Variants in RUNX2 observed in about 807,000 individuals in gnomAD.
RUNX2 encodes runt-related transcription factor 2.
RUNX2 carries 10 observed loss-of-function variants against 51.7 expected under a neutral mutation model. The ratio of observed to expected loss-of-function variants is 0.19; its 90% CI spans 0.12 to 0.33. The LOEUF is 0.33. Among genes scored for constraint, RUNX2 ranks in the 10% least tolerant of loss-of-function variants. RUNX2 has a pLI of 1.00. For synonymous variants in RUNX2, 276 were observed against 273.6 expected (o/e 1.01, Z -0.09); for missense variants, 562 against 691.3 (o/e 0.81, Z 2.10).
At chr6:45,501,882 T>A (rs1189331758) in intron 6 of RUNX2, among the ~76,000 whole-genome samples, 3 of 152,198 alleles carry the variant, frequency 2.0e-5, no homozygotes, top group East Asian at 3.8e-4. Context: ...CAACTTAGTT[T>A]CAGCAACTTA....
intron 4 of RUNX2, among the ~76,000 whole-genome samples, chr6:45,433,843 A>C (rs1293604947): frequency 6.6e-6 from 1 of 152,202 alleles, no homozygotes; most frequent in Admixed American, 6.6e-5. Context: ...AAGATGAAGA[A>C]AGCTTCTTTT....
intron 5 of RUNX2, among the ~76,000 whole-genome samples, chr6:45,486,255 T>G (rs919046018): frequency 6.6e-6 from 1 of 152,194 alleles, no homozygotes; most frequent in East Asian, 1.9e-4. Flanking sequence ...TCTTCAGTTA[T>G]ATTTAATTGC....
chr6:45,519,800 G>T (rs879434999), intron 7 of RUNX2, among the ~76,000 whole-genome samples: 8 of 108,172 alleles, frequency 7.4e-5, no homozygotes, highest in Non-Finnish European at 1.2e-4. Flanking sequence ...ATGTGTGTGT[G>T]TGTGTGTGTG....
At chr6:45,373,449 T>C (rs189468898) in intron 2 of RUNX2, among the ~76,000 whole-genome samples, 1 of 152,216 alleles carries the variant, frequency 6.6e-6, no homozygotes, top group Non-Finnish European at 1.5e-5. Context: ...CAAGAAAATG[T>C]TGGTTCTCCC....
chr6:45,531,096 G>A (rs1011613082), intron 7 of RUNX2, among the ~76,000 whole-genome samples: 2 of 152,324 alleles, frequency 1.3e-5, no homozygotes, highest in Admixed American at 1.3e-4. Flanking sequence ...GGGTCATCAA[G>A]TGAAAGGGAT....
intron 7 of RUNX2, 46 bp downstream of exon 7, chr6:45,512,453 G>T: frequency 1.2e-6 from 2 of 1,601,680 alleles, no homozygotes; most frequent in Non-Finnish European, 8.5e-7. Context: ...CACAGGGGTC[G>T]GGGGGAGTGG....
intron 3 of RUNX2, among the ~76,000 whole-genome samples, 178 bp from the exon 4 acceptor site, chr6:45,431,685 T>G (rs1399008162): frequency 1.3e-5 from 2 of 152,186 alleles, no homozygotes; most frequent in African/African-American, 4.8e-5. Context: ...CCTGAAACAT[T>G]GGTCTGTTTG....
intron 2 of RUNX2, chr6:45,361,537 A>T (rs1028882197): frequency 6.6e-6 from 1 of 152,198 alleles, no homozygotes; most frequent in East Asian, 1.9e-4. Context: ...AAATACCTGT[A>T]ATGTCAACTG....
intron 5 of RUNX2, among the ~76,000 whole-genome samples, chr6:45,470,299 A>G (rs1016465076): frequency 1.3e-5 from 2 of 152,246 alleles, no homozygotes; most frequent in African/African-American, 4.8e-5. Context: ...AATTTTCATT[A>G]CTTTCTTTCC....
intron 5 of RUNX2, among the ~76,000 whole-genome samples, chr6:45,444,039 C>T (rs1439223816): frequency 1.3e-5 from 2 of 152,130 alleles, no homozygotes; most frequent in South Asian, 2.1e-4. Flanking sequence ...TTAGTAGAGA[C>T]GGGATTTTGC....
intron 2 of RUNX2, among the ~76,000 whole-genome samples, chr6:45,407,156 T>G (rs1001928765): frequency 6.6e-6 from 1 of 152,124 alleles, no homozygotes. Context: ...CACTCTGGAG[T>G]GCAGTAGTGC....
At chr6:45,533,422 T>C (rs952672006) in intron 7 of RUNX2, among the ~76,000 whole-genome samples, 1 of 87,544 alleles carries the variant, frequency 1.1e-5, no homozygotes, top group East Asian at 3.0e-4. Flanking sequence ...CTCTTGTCCA[T>C]TGTTAAAAAG....
At chr6:45,396,094 A>G (rs919215443) in intron 2 of RUNX2, among the ~76,000 whole-genome samples, 4 of 152,224 alleles carry the variant, frequency 2.6e-5, no homozygotes, top group South Asian at 2.1e-4. Context: ...ACAAGCAATT[A>G]TAAAGCTTTA....
rs1000685029 is a variant in RUNX2, at chr6:45,391,670, C to T, written c.59-30923C>T. On this transcript the variant is annotated intron_variant, in intron 2 of 8. Transcript: ENST00000647337. Reference sequence around the variant, plus strand: ...GGAAACTTACAGTCATGGTGGAAAGCGAAGGTGAAGCAAGGCGCCTTCTTC... The same window carrying T: ...GGAAACTTACAGTCATGGTGGAAAGTGAAGGTGAAGCAAGGCGCCTTCTTC... Among the ~76,000 whole-genome samples the T allele has an allele frequency of 5.9e-5, 9 of 152,198 alleles. No homozygotes were observed. The South Asian group carries it at 1.0e-3, about 18-fold the overall frequency.
intron 2 of RUNX2, among the ~76,000 whole-genome samples, chr6:45,336,149 A>T (rs1225689828): frequency 6.6e-6 from 1 of 151,246 alleles, no homozygotes; most frequent in African/African-American, 2.4e-5. Context: ...AAACACATAT[A>T]CATTATTTCT....
chr6:45,394,921 T>C (rs1797549973), intron 2 of RUNX2, among the ~76,000 whole-genome samples: 1 of 152,076 alleles, frequency 6.6e-6, no homozygotes. Context: ...GAGAACCTAG[T>C]GGGACTCCTG....
At position 45,422,688 on chromosome 6, in the gene RUNX2, C is replaced by T; in HGVS notation, c.154C>T (p.Gln52Ter). The change falls in exon 3 of 9, where the codon CAG becomes TAG. Residue 52 changes from glutamine (Q) to a stop codon, truncating the protein, a stop_gained. Transcript: ENST00000647337. LOFTEE classifies it high-confidence loss of function. ...VSPVVAAQQQ[Q>*]QQQQQQQQQQ... ...CCCGGTGGTGGCTGCGCAACAGCAG[C>T]AGCAACAGCAGCAGCAGCAACAGCA... The T allele has an allele frequency of 6.2e-7, 1 of 1,603,346 alleles. No individual in the cohort carries two copies. Among genetic ancestry groups the T allele is most frequent in the East Asian group, 2.3e-5 (1 of 43,904 alleles).
At chr6:45,387,142 G>A (rs1211736737) in intron 2 of RUNX2, among the ~76,000 whole-genome samples, 1 of 152,140 alleles carries the variant, frequency 6.6e-6, no homozygotes, top group Non-Finnish European at 1.5e-5. Flanking sequence ...AGGCAAAGAA[G>A]GAACTCAAGT....
At chr6:45,346,542 T>C (rs755908419) in intron 2 of RUNX2, among the ~76,000 whole-genome samples, 8 of 150,854 alleles carry the variant, frequency 5.3e-5, no homozygotes, top group Non-Finnish European at 1.2e-4. Flanking sequence ...ATGCCTGGCA[T>C]ATAATAGGAA....
Sources: allele counts gnomAD v4.1 joint callset (sites outside exome capture counted in the v4.1 genomes callset), GRCh38; gene constraint gnomAD v4.1.1; transcripts MANE v1.5; gene names NCBI Gene and HGNC (gene_info 2026-07-23, HGNC 2026-07-21).